The following TSPAN9 variants were observed in gnomAD, a reference collection of about 807,000 sequenced individuals.
TSPAN9 encodes the protein tetraspanin 9.
A neutral mutation model predicts 31.0 loss-of-function variants in TSPAN9; 16 were observed. That is an observed-to-expected ratio of 0.52 (90% CI 0.35 to 0.78). TSPAN9 has a LOEUF of 0.78. TSPAN9 is among the 30% of genes least tolerant of loss of function. The pLI is 0.01. For missense variants in TSPAN9, 272 were observed against 312.5 expected, an observed-to-expected ratio of 0.87 and a Z score of 0.98; for synonymous variants, 145 against 121.6, an observed-to-expected ratio of 1.19 and a Z score of -1.27.
intron 2 of TSPAN9, among the ~76,000 whole-genome samples, chr12:3,148,988 G>A (rs2098338646): frequency 6.6e-6 from 1 of 152,210 alleles, no homozygotes; most frequent in Admixed American, 6.5e-5. Context: ...GGAGGGTGGT[G>A]GCTGCCTCCT....
At chr12:3,114,946 C>G (rs938272995) in intron 2 of TSPAN9, among the ~76,000 whole-genome samples, 1 of 151,760 alleles carries the variant, frequency 6.6e-6, no homozygotes, top group Admixed American at 6.6e-5. Context: ...TAGAGTTTGT[C>G]TATCTGAAGA....
intron 2 of TSPAN9, among the ~76,000 whole-genome samples, chr12:3,169,508 G>A (rs993993424): frequency 6.6e-6 from 1 of 152,194 alleles, no homozygotes; most frequent in South Asian, 2.1e-4. Flanking sequence ...CCTCCCTACC[G>A]CCCAGAGTGG....
intron 2 of TSPAN9, among the ~76,000 whole-genome samples, chr12:3,124,004 C>A (rs1396214765): frequency 3.9e-5 from 6 of 152,208 alleles, no homozygotes; most frequent in African/African-American, 1.4e-4. Flanking sequence ...AGGCCACCAG[C>A]TGCCTCTGAT....
At chr12:3,110,759 A>T (rs556021164) in intron 2 of TSPAN9, among the ~76,000 whole-genome samples, 1 of 152,202 alleles carries the variant, frequency 6.6e-6, no homozygotes, top group Non-Finnish European at 1.5e-5. Flanking sequence ...CTGATGTGCC[A>T]GTCATTTACT....
intron 2 of TSPAN9, among the ~76,000 whole-genome samples, chr12:3,129,539 C>A (rs890729718): frequency 6.6e-6 from 1 of 152,172 alleles, no homozygotes; most frequent in African/African-American, 2.4e-5. Context: ...CCTAATTCCA[C>A]CACACACAAG....
At chr12:3,191,154 G>A (rs2098364172) in intron 2 of TSPAN9, among the ~76,000 whole-genome samples, 1 of 152,166 alleles carries the variant, frequency 6.6e-6, no homozygotes, top group African/African-American at 2.4e-5. Context: ...GGAATTTGAT[G>A]TGGGTTAATT....
chr12:3,131,417 C>G (rs1303255824), intron 2 of TSPAN9, among the ~76,000 whole-genome samples: 2 of 152,198 alleles, frequency 1.3e-5, no homozygotes, highest in Non-Finnish European at 2.9e-5. Context: ...GGATCTCAGC[C>G]CCTGCACTTA....
intron 2 of TSPAN9, among the ~76,000 whole-genome samples, chr12:3,128,484 G>A (rs1288228953): frequency 6.6e-6 from 1 of 152,182 alleles, no homozygotes; most frequent in Non-Finnish European, 1.5e-5. Context: ...AGCTACCCAG[G>A]AAGCCAAGGC....
chr12:3,173,705 C>G (rs2098353408), intron 2 of TSPAN9: 1 of 152,092 alleles, frequency 6.6e-6, no homozygotes, highest in Non-Finnish European at 1.5e-5. Context: ...TATATTGCCC[C>G]TGGTCTTGAC....
chr12:3,229,837 G>T (rs749471700), intron 3 of TSPAN9, among the ~76,000 whole-genome samples: 1 of 152,168 alleles, frequency 6.6e-6, no homozygotes, highest in Non-Finnish European at 1.5e-5. Context: ...CTTCTCTCTG[G>T]CAGGCAGGCA....
At chr12:3,146,349 G>C (rs2098337266) in intron 2 of TSPAN9, among the ~76,000 whole-genome samples, 1 of 151,856 alleles carries the variant, frequency 6.6e-6, no homozygotes, top group South Asian at 2.1e-4. Context: ...GTGTGGAGAT[G>C]GTGGTCTCTG....
chr12:3,121,383 A>G (rs571012), intron 2 of TSPAN9, among the ~76,000 whole-genome samples: 85,451 of 130,124 alleles, frequency 0.66, 28,170 homozygotes, highest in East Asian at 0.76. Flanking sequence ...TTTTTGAGAC[A>G]GGTTCTTGCT....
chr12:3,211,812 T>C, intron 3 of TSPAN9: 2 of 1,594,880 alleles, frequency 1.3e-6, no homozygotes, highest in Non-Finnish European at 1.7e-6. Context: ...CCTGGGCATT[T>C]CACATCCATG....
chr12:3,153,674 T>C (rs1340762923), intron 2 of TSPAN9, among the ~76,000 whole-genome samples: 2 of 152,314 alleles, frequency 1.3e-5, no homozygotes, highest in East Asian at 3.8e-4. Context: ...TACATTAATA[T>C]GTTAATATTA....
chr12:3,098,127 G>A (rs979697774), intron 2 of TSPAN9, among the ~76,000 whole-genome samples: 1 of 152,224 alleles, frequency 6.6e-6, no homozygotes, highest in Non-Finnish European at 1.5e-5. Context: ...GTAGGAGTCA[G>A]GGCCCCCAGC....
intron 2 of TSPAN9, among the ~76,000 whole-genome samples, chr12:3,156,357 C>T (rs533260434): frequency 3.2e-4 from 49 of 152,204 alleles, no homozygotes; most frequent in African/African-American, 1.2e-3. Flanking sequence ...CCCTCCAGGA[C>T]TGGGAGAGGG....
At position 3,187,185 on chromosome 12, in the gene TSPAN9, C is replaced by T. The variant is rs535232422; in HGVS notation, c.-17-13992C>T. On this transcript the variant is annotated intron_variant, in intron 2 of 8. Coordinates refer to ENST00000011898, the MANE Select transcript of TSPAN9 (RefSeq NM_006675.5). This position sits in a 1 kb window ranked among gnomAD's most constrained non-coding sequence, Gnocchi z 5.2. Reference sequence around the variant, plus strand: ...CTTGGCAGATCACCTGTGTTCATGCCGTGTGGTCAGAAAGAGCACAGGGGA... The same window carrying T: ...CTTGGCAGATCACCTGTGTTCATGCTGTGTGGTCAGAAAGAGCACAGGGGA... 2.4e-4 allele frequency among the ~76,000 whole-genome samples: 37 copies of T among 152,218 alleles called. No homozygotes were observed. The highest frequency in any genetic ancestry group is 1.2e-3 in the South Asian group (6 of 4,814).
intron 3 of TSPAN9, among the ~76,000 whole-genome samples, chr12:3,243,157 T>C (rs1165707396): frequency 6.6e-6 from 1 of 152,186 alleles, no homozygotes; most frequent in African/African-American, 2.4e-5. Context: ...ATAGGATGCC[T>C]TGGTTTCCCT....
intron 2 of TSPAN9, among the ~76,000 whole-genome samples, chr12:3,142,631 C>T (rs1439574414): frequency 3.3e-5 from 5 of 152,166 alleles, no homozygotes; most frequent in South Asian, 4.1e-4. Flanking sequence ...CCTCCCTGCT[C>T]GCCCCTGCCC....
Sources: gnomAD v4.1 joint callset for allele counts (sites outside exome capture counted in the v4.1 genomes callset) on GRCh38, gnomAD v4.1.1 for gene constraint, Gnocchi (gnomAD v3.1) non-coding constraint, MANE v1.5 for transcripts, NCBI Gene and HGNC (gene_info 2026-07-23, HGNC 2026-07-21) for gene names.